The following CNDP2 variants were observed in gnomAD, a reference collection of about 807,000 sequenced individuals.
The protein encoded by CNDP2 is carnosine dipeptidase 2, also known as cytosolic non-specific dipeptidase.
CNDP2 carries 38 observed loss-of-function variants against 55.0 expected under a neutral mutation model. That is an observed-to-expected ratio of 0.69 (90% CI 0.53 to 0.90). The LOEUF is 0.90. Ranked by LOEUF, CNDP2 falls within the 40% of genes least tolerant of loss-of-function variation. The pLI, the probability that CNDP2 is intolerant of heterozygous loss-of-function variation, is 0.00. For synonymous variants in CNDP2, 241 were observed against 260.2 expected (o/e 0.93, Z 0.71); for missense variants, 607 against 621.7 (o/e 0.98, Z 0.25).
At chr18:74,515,398 G>A (rs1979609954) in intron 8 of CNDP2, among the ~76,000 whole-genome samples, 1 of 152,200 alleles carries the variant, frequency 6.6e-6, no homozygotes, top group African/African-American at 2.4e-5. Context: ...TTGGGCACGG[G>A]GAGGAGCGGG....
Position 74,513,679 on chromosome 18 carries a change from C to T in CNDP2, c.863C>T (p.Ala288Val). The T allele has an allele frequency of 6.2e-7, 1 of 1,614,032 alleles. No homozygotes were observed. ...ATCGACTTTGACATAGAGGAGTTTG[C>T]CAAGGATGTGGGGGCGCAGATCCTC... ...DDIDFDIEEF[A>V]KDVGAQILLH... The change falls in exon 8 of 12, where the codon GCC (alanine) becomes GTC (valine). Residue 288 changes from alanine to valine, a missense_variant. Physicochemically the swap from Ala to Val is moderately conservative, Grantham distance 64. Coordinates refer to ENST00000324262, the MANE Select transcript of CNDP2 (RefSeq NM_018235.3).
intron 10 of CNDP2, 82 bp downstream of exon 10, chr18:74,518,722 A>G (rs1203756399): frequency 1.3e-6 from 2 of 1,583,312 alleles, no homozygotes; most frequent in African/African-American, 2.7e-5. Flanking sequence ...GTGGGCGTGT[A>G]GCTATGTCGG....
chr18:74,511,673 A>C (rs1265299225), intron 6 of CNDP2, among the ~76,000 whole-genome samples: 1 of 148,514 alleles, frequency 6.7e-6, no homozygotes, highest in African/African-American at 2.5e-5. Context: ...GCACCATTGC[A>C]CTCCAGCCTG....
intron 6 of CNDP2, among the ~76,000 whole-genome samples, chr18:74,511,820 CTG>C (rs1979373034): frequency 6.6e-6 from 1 of 152,118 alleles, no homozygotes. Context: ...CACAGGATGA[CTG>C]TGGTGATTAA....
In CNDP2 at chr18:74,521,016, C is replaced by T. The variant is rs15165; in HGVS notation, c.*948C>T. On this transcript the variant is annotated 3_prime_UTR_variant, in exon 12 of 12. Coordinates refer to ENST00000324262, the MANE Select transcript of CNDP2 (RefSeq NM_018235.3). ...TTCTCAAGACCTTCACCATTACTGGCATTTTCCTGTCTTCTCTTTAGTATG... is the reference window on the plus strand; with the variant it reads ...TTCTCAAGACCTTCACCATTACTGGTATTTTCCTGTCTTCTCTTTAGTATG... 137,181 of 152,200 alleles carry T rather than the reference C, an allele frequency of 0.9. 63,411 individuals are homozygous for T. The highest frequency in any genetic ancestry group is 1 in the Non-Finnish European group (67,928 of 68,034). The allele number at this position is 152,200 out of a possible 1,614,324, so 9.4% of individuals were successfully genotyped here.
At chr18:74,513,976 C>T (rs1009505049) in intron 8 of CNDP2, among the ~76,000 whole-genome samples, 2 of 152,186 alleles carry the variant, frequency 1.3e-5, no homozygotes, top group African/African-American at 4.8e-5. Context: ...CTGCTGGCAG[C>T]GGCTCTGCTG....
chr18:74,512,968 G>C (rs1426764933), intron 7 of CNDP2, among the ~76,000 whole-genome samples: 1 of 152,212 alleles, frequency 6.6e-6, no homozygotes, highest in African/African-American at 2.4e-5. Context: ...CCATCGTGCT[G>C]TTCCCGGTGT....
chr18:74,500,793 TC>T (rs1978648222), intron 2 of CNDP2, among the ~76,000 whole-genome samples: 1 of 152,166 alleles, frequency 6.6e-6, no homozygotes, highest in Admixed American at 6.5e-5. Context: ...ACAATTTCTG[TC>T]CCTTTTAAGG....
chr18:74,500,698 C>T (rs1978641428), intron 2 of CNDP2, among the ~76,000 whole-genome samples: 1 of 152,240 alleles, frequency 6.6e-6, no homozygotes, highest in African/African-American at 2.4e-5. Flanking sequence ...CAAAACCTCT[C>T]AGACACCGAG....
intron 9 of CNDP2, chr18:74,516,837 G>A (rs1314812588): frequency 1.8e-5 from 3 of 163,742 alleles, no homozygotes; most frequent in African/African-American, 7.2e-5. Context: ...CCTTCATGCT[G>A]AATACTGAGG....
rs150725923 is a variant in CNDP2, at chr18:74,519,064, C to G, written c.1326C>G (p.Asp442Glu). The G allele has an allele frequency of 6.2e-7, 1 of 1,611,510 alleles. No homozygotes were observed. Among genetic ancestry groups the G allele is most frequent in the Admixed American group, 1.7e-5 (1 of 59,934 alleles). ...TGCTGCCTGTGGGGTCAGCGGATGA[C>G]GGAGCCCACTCCCAGAATGAAAAGC... ...VMLLPVGSADDGAHSQNEKLN... is the reference protein window; with the variant it reads ...VMLLPVGSADEGAHSQNEKLN... The change falls in exon 11 of 12, where the codon GAC (aspartate) becomes GAG (glutamate). Residue 442 changes from aspartate (D) to glutamate (E), a missense_variant. Asp to Glu is a conservative substitution (Grantham distance 45, BLOSUM62 2). Transcript: ENST00000324262.
intron 3 of CNDP2, 57 bp downstream of exon 3, chr18:74,501,529 T>G: frequency 6.5e-7 from 1 of 1,539,150 alleles, no homozygotes; most frequent in African/African-American, 1.4e-5. Context: ...CCTGAGGGGT[T>G]GACAAGACGC....
At chr18:74,518,719 T>A in intron 10 of CNDP2, 79 bp downstream of exon 10, 1 of 1,585,738 alleles carries the variant, frequency 6.3e-7, no homozygotes, top group Non-Finnish European at 8.6e-7. Flanking sequence ...CGCGTGGGCG[T>A]GTAGCTATGT....
In CNDP2 at chr18:74,513,547, G is replaced by C; in HGVS notation, c.743-12G>C. 6.2e-7 allele frequency: 1 copy of C among 1,608,472 alleles called. No homozygotes were observed. Among genetic ancestry groups the C allele is most frequent in the South Asian group, 1.1e-5 (1 of 90,454 alleles). Reference sequence around the variant, plus strand: ...TCCCCTGAGTGCTGTAACCCTCTCCGGCTTCCCTCAGGCTCTTTGGTGGAC... The same window carrying C: ...TCCCCTGAGTGCTGTAACCCTCTCCCGCTTCCCTCAGGCTCTTTGGTGGAC... On this transcript the variant is annotated splice_polypyrimidine_tract_variant and intron_variant, in intron 7 of 11. Transcript: ENST00000324262.
intron 1 of CNDP2, among the ~76,000 whole-genome samples, chr18:74,497,052 A>G (rs1022269282): frequency 5.9e-5 from 9 of 152,116 alleles, no homozygotes; most frequent in African/African-American, 2.2e-4. Flanking sequence ...GTCTTATTCA[A>G]TTGGCTTCAG....
At chr18:74,503,909 C>T (rs1978856969) in intron 3 of CNDP2, among the ~76,000 whole-genome samples, 1 of 149,516 alleles carries the variant, frequency 6.7e-6, no homozygotes, top group African/African-American at 2.5e-5. Context: ...ACGCCACACA[C>T]GCAGCCACAC....
intron 6 of CNDP2, among the ~76,000 whole-genome samples, chr18:74,511,719 A>G (rs1979364948): frequency 6.6e-6 from 1 of 152,010 alleles, no homozygotes; most frequent in African/African-American, 2.4e-5. Flanking sequence ...AAAAAAAAAA[A>G]AAAGAGAAAC....
chr18:74,506,771 C>T (rs1263359139), intron 4 of CNDP2, among the ~76,000 whole-genome samples: 1 of 152,228 alleles, frequency 6.6e-6, no homozygotes, highest in Non-Finnish European at 1.5e-5. Context: ...ACCTGCAGGC[C>T]TTTTGAGGCC....
chr18:74,516,481 C>G (rs1979675685), intron 9 of CNDP2, 89 bp downstream of exon 9: 2 of 1,319,580 alleles, frequency 1.5e-6, no homozygotes, highest in African/African-American at 1.5e-5. Context: ...TCGACAGACA[C>G]CCGGGCCATG....
Sources: gnomAD v4.1 joint callset for allele counts (sites outside exome capture counted in the v4.1 genomes callset) on GRCh38, gnomAD v4.1.1 for gene constraint, MANE v1.5 for transcripts, NCBI Gene and HGNC (gene_info 2026-07-23, HGNC 2026-07-21) for gene names.